Variants in UTRN observed in about 807,000 individuals in gnomAD.
UTRN encodes the protein dystrophin-related protein 1.
Under a neutral mutation model 463.9 loss-of-function variants are expected in UTRN, and 283 were observed. The observed-to-expected ratio is 0.61, with a 90% CI of 0.55 to 0.67. The LOEUF is 0.67. UTRN is among the 30% of genes least tolerant of loss of function. UTRN has a pLI of 0.00. For synonymous variants in UTRN, 1,442 were observed against 1,431.5 expected, an observed-to-expected ratio of 1.01 and a Z score of -0.17; for missense variants, 3,922 against 4,084.3, an observed-to-expected ratio of 0.96 and a Z score of 1.08.
At chr6:144,657,700 A>G (rs371947457) in intron 51 of UTRN, among the ~76,000 whole-genome samples, 3 of 152,172 alleles carry the variant, frequency 2.0e-5, no homozygotes, top group African/African-American at 7.2e-5. Context: ...GAGAAAGACT[A>G]TGGTATTCCC....
chr6:144,531,050 A>G lies in UTRN; in HGVS notation c.5907-2A>G, dbSNP rs1797014411. On this transcript the variant is annotated splice_acceptor_variant, in intron 41 of 74. Transcript: ENST00000367545. LOFTEE classifies it high-confidence loss of function. ...TATTTTATTTTGTGTATTGTCCTCT[A>G]GTTGTTTTGACAGGGCAATGGAAGA... 2 of 1,613,446 alleles carry G rather than the reference A, an allele frequency of 1.2e-6. No individual in the cohort carries two copies. The highest frequency in any genetic ancestry group is 1.7e-6 in the Non-Finnish European group (2 of 1,179,640).
At chr6:144,820,470 C>T (rs575169024) in intron 65 of UTRN, among the ~76,000 whole-genome samples, 2 of 114,554 alleles carry the variant, frequency 1.7e-5, no homozygotes, top group African/African-American at 8.8e-5. Flanking sequence ...ATTAACACAG[C>T]TTGGTTAAAA....
intron 2 of UTRN, among the ~76,000 whole-genome samples, chr6:144,308,210 T>G (rs1805924828): frequency 6.6e-6 from 1 of 152,226 alleles, no homozygotes; most frequent in Non-Finnish European, 1.5e-5. Flanking sequence ...TTGATGATCC[T>G]TCTAATACTC....
chr6:144,788,907 C>A (rs1159006219), intron 61 of UTRN, among the ~76,000 whole-genome samples: 2 of 152,138 alleles, frequency 1.3e-5, no homozygotes, highest in Non-Finnish European at 2.9e-5. Context: ...GCTTTATAAT[C>A]ATCATTTTCA....
Position 144,577,118 on chromosome 6 carries a change from G to A in UTRN, c.7309G>A (p.Ala2437Thr), listed in dbSNP as rs779829056. Residue 2437 changes from alanine (A) to threonine (T), a missense_variant, in exon 51 of 75, where the codon GCC (alanine) becomes ACC (threonine). By Grantham distance (58) the Ala-to-Thr change is moderately conservative. Transcript: ENST00000367545. Reference protein sequence around the residue: ...LKQSIADRQNALEAEWRTVQA... With the variant: ...LKQSIADRQNTLEAEWRTVQA... Reference sequence around the variant, plus strand: ...TTTCAGTATTGCTGACAGACAGAACGCCTTGGAGGCTGAGTGGAGGACGGT... The same window carrying A: ...TTTCAGTATTGCTGACAGACAGAACACCTTGGAGGCTGAGTGGAGGACGGT... 7.3e-5 allele frequency: 118 copies of A among 1,613,498 alleles called. No individual in the cohort carries two copies. Among genetic ancestry groups the A allele is most frequent in the Non-Finnish European group, 9.2e-5 (109 of 1,179,740 alleles).
rs75480843 is a variant in UTRN at position 144,522,127 on chromosome 6, A to C, written c.5689A>C (p.Thr1897Pro). 1,314 of 1,564,734 alleles carry C rather than the reference A, an allele frequency of 8.4e-4. 3 individuals are homozygous for C. The African/African-American group carries it at 0.015, about 17-fold the overall frequency. The part of the protein sequence containing the change: ...ELSLNVPELN[T>P]AIYEDFSFQE... ...ATCGCTTAATGTTCCAGAGCTCAAC[A>C]CTGCTATTTACGAAGACTTCTCTTT... Residue 1897 changes from threonine to proline, a missense_variant, in exon 40 of 75, where the codon ACT becomes CCT. Physicochemically the swap from Thr to Pro is conservative, Grantham distance 38 (BLOSUM62 -1). Transcript: ENST00000367545.
intron 64 of UTRN, among the ~76,000 whole-genome samples, chr6:144,802,013 A>C (rs1434187599): frequency 6.6e-6 from 1 of 152,200 alleles, no homozygotes; most frequent in Non-Finnish European, 1.5e-5. Context: ...GAGGCTAAGA[A>C]ACAGTAATTT....
chr6:144,510,928 T>C lies in UTRN; in HGVS notation c.4765-16T>C, dbSNP rs1795112985. On this transcript the variant is annotated splice_polypyrimidine_tract_variant and intron_variant, in intron 34 of 74. Transcript: ENST00000367545. Reference sequence around the variant, plus strand: ...TTCTGAAGCATCAAGTAGGTCTTGGTGTTTTTATTTTCTAGAATGTTCTGA... The same window carrying C: ...TTCTGAAGCATCAAGTAGGTCTTGGCGTTTTTATTTTCTAGAATGTTCTGA... 7 of 1,545,240 alleles carry C rather than the reference T, an allele frequency of 4.5e-6. No homozygotes were observed. The highest frequency in any genetic ancestry group is 2.3e-5 in the East Asian group (1 of 42,822).
At position 144,398,106 on chromosome 6, in the gene UTRN, G is replaced by A. The variant is rs1782613163; in HGVS notation, c.80-5017G>A. ...AAGGAATAATCTGGAAAGATGACTG[G>A]GAAGTAGATGGTTTGCCTGTGTCAT... On this transcript the variant is annotated intron_variant, in intron 2 of 74. Coordinates refer to ENST00000367545, the MANE Select transcript of UTRN (RefSeq NM_007124.3). 4 of 249,106 alleles carry A rather than the reference G, an allele frequency of 1.6e-5. No individual in the cohort carries two copies. The Admixed American group carries it at 1.6e-4, about 10-fold the overall frequency. The allele number at this position is 249,106 out of a possible 1,614,324, so 15.4% of individuals were successfully genotyped here.
chr6:144,710,857 A>G (rs763405357), intron 53 of UTRN, among the ~76,000 whole-genome samples: 8 of 152,240 alleles, frequency 5.3e-5, no homozygotes, highest in Non-Finnish European at 1.2e-4. Flanking sequence ...ATTACTATCT[A>G]GATTAACCCG....
At chr6:144,483,157 T>C (rs948237825) in intron 27 of UTRN, among the ~76,000 whole-genome samples, 5 of 152,234 alleles carry the variant, frequency 3.3e-5, no homozygotes, top group African/African-American at 1.2e-4. Flanking sequence ...ATTCATTACT[T>C]TGATCATTCA....
Position 144,602,009 on chromosome 6 carries a change from C to G in UTRN, c.7479+24721C>G, listed in dbSNP as rs375934115. Among the ~76,000 whole-genome samples, 5 of 152,176 alleles carry G rather than the reference C, an allele frequency of 3.3e-5. No homozygotes were observed. In the East Asian group the frequency reaches 5.8e-4, roughly 18 times the overall value. On this transcript the variant is annotated intron_variant, in intron 51 of 74. Transcript: ENST00000367545. ...AAAATTAAGGTATGTACAGTAAGTCCTTCCTTAACATTGTTGATAGGTTCT... is the reference window on the plus strand; with the variant it reads ...AAAATTAAGGTATGTACAGTAAGTCGTTCCTTAACATTGTTGATAGGTTCT...
chr6:144,688,538 T>C (rs1782984972), intron 52 of UTRN, among the ~76,000 whole-genome samples: 1 of 152,220 alleles, frequency 6.6e-6, no homozygotes, highest in Admixed American at 6.5e-5. Flanking sequence ...TGTTCGACTA[T>C]GTGTTCTTTT....
intron 51 of UTRN, among the ~76,000 whole-genome samples, chr6:144,590,843 TACACACACACAC>T (rs10531216): frequency 2.1e-5 from 3 of 145,900 alleles, no homozygotes; most frequent in Non-Finnish European, 3.0e-5. Flanking sequence ...TCTCTCAATC[TACACACACACAC>T]ACACACACAC....
At chr6:144,821,572 A>G (rs931723392) in intron 66 of UTRN, among the ~76,000 whole-genome samples, 2 of 152,104 alleles carry the variant, frequency 1.3e-5, no homozygotes, top group African/African-American at 4.8e-5. Context: ...CATAAAATAG[A>G]AAAAATTTAT....
chr6:144,568,603 A>G (rs541507016), intron 50 of UTRN, among the ~76,000 whole-genome samples: 10 of 152,008 alleles, frequency 6.6e-5, no homozygotes, highest in South Asian at 6.2e-4. Flanking sequence ...ATGCTTCCCA[A>G]CCTTTTTTGC....
At chr6:144,511,372 C>T (rs1795151268) in intron 35 of UTRN, among the ~76,000 whole-genome samples, 1 of 152,044 alleles carries the variant, frequency 6.6e-6, no homozygotes, top group African/African-American at 2.4e-5. Flanking sequence ...TTAGTAAATG[C>T]ACCTTATTTG....
At chr6:144,764,148 A>G (rs1793010336) in intron 58 of UTRN, among the ~76,000 whole-genome samples, 1 of 152,122 alleles carries the variant, frequency 6.6e-6, no homozygotes, top group Non-Finnish European at 1.5e-5. Context: ...GTAAGAACAA[A>G]ATTGCTTTAT....
intron 51 of UTRN, among the ~76,000 whole-genome samples, chr6:144,580,991 C>G (rs1801919137): frequency 6.6e-6 from 1 of 152,086 alleles, no homozygotes; most frequent in African/African-American, 2.4e-5. Context: ...AGGCAGATTG[C>G]CAAGTGGTGT....
Sources: gnomAD v4.1 joint callset for allele counts (sites outside exome capture counted in the v4.1 genomes callset) on GRCh38, gnomAD v4.1.1 for gene constraint, MANE v1.5 for transcripts, NCBI Gene and HGNC (gene_info 2026-07-23, HGNC 2026-07-21) for gene names.